EEF2KMT: variants seen among roughly 807,000 people sequenced by gnomAD.
EEF2KMT encodes protein-lysine N-methyltransferase EEF2KMT.
Under a neutral mutation model 35.1 loss-of-function variants are expected in EEF2KMT, and 30 were observed. That is an observed-to-expected ratio of 0.85 (90% CI 0.64 to 1.16). The LOEUF (loss-of-function observed/expected upper bound fraction) is 1.16. EEF2KMT is among the 50% of genes most tolerant of loss of function. EEF2KMT has a pLI of 0.00. For synonymous variants in EEF2KMT, 190 were observed against 187.7 expected, an observed-to-expected ratio of 1.01 and a Z score of -0.10; for missense variants, 499 against 438.2, an observed-to-expected ratio of 1.14 and a Z score of -1.24.
At chr16:5,095,374 C>G in intron 2 of EEF2KMT, 78 bp downstream of exon 2, 1 of 1,605,158 alleles carries the variant, frequency 6.2e-7, no homozygotes, top group Non-Finnish European at 8.5e-7. Context: ...TACAAGCACA[C>G]CTGCAGTTCT....
Position 5,089,266 on chromosome 16 carries a change from A to C in EEF2KMT, c.743-10T>G. On this transcript the variant is annotated splice_polypyrimidine_tract_variant and intron_variant, in intron 6 of 7. Transcript: ENST00000427587. ...GGGCAATACAGCACATCTATGGTGA[A>C]AGCTTCAGGTTACTGAAAGGGACCA... The C allele has an allele frequency of 6.2e-7, 1 of 1,602,256 alleles. No individual in the cohort carries two copies. Among genetic ancestry groups the C allele is most frequent in the Non-Finnish European group, 8.5e-7 (1 of 1,179,776 alleles).
chr16:5,097,407 C>G, intron 1 of EEF2KMT: 1 of 1,464,954 alleles, frequency 6.8e-7, no homozygotes, highest in Non-Finnish European at 9.0e-7. Flanking sequence ...GAGCGCGCGT[C>G]TGCCCCCCAA....
rs1354942213 is a variant in EEF2KMT, at chr16:5,091,831, G to A, written c.305C>T (p.Ala102Val). ...CCGGTGGCCCTGGGTGGACTCCTTG[G>A]CCATCAGGGTCTCCGCCAGCGCTTC... Reference protein sequence around the residue: ...LYEALAETLMAKESTQGHRSY... With the variant: ...LYEALAETLMVKESTQGHRSY... Residue 102 changes from alanine (A) to valine (V), a missense_variant, in exon 4 of 8, where the codon GCC becomes GTC. Physicochemically the swap from Ala to Val is moderately conservative, Grantham distance 64. Transcript: ENST00000427587. 1 of 1,611,858 alleles carries A rather than the reference G, an allele frequency of 6.2e-7. No homozygotes were observed. Among genetic ancestry groups the A allele is most frequent in the Admixed American group, 1.7e-5 (1 of 60,008 alleles).
intron 3 of EEF2KMT, among the ~76,000 whole-genome samples, chr16:5,093,135 A>C (rs541866009): frequency 2.0e-5 from 3 of 152,336 alleles, no homozygotes; most frequent in South Asian, 4.1e-4. Context: ...CAAGAGCAGG[A>C]AACTCCAAAC....
At chr16:5,088,625 A>T (rs965413961) in intron 7 of EEF2KMT, among the ~76,000 whole-genome samples, 1 of 152,112 alleles carries the variant, frequency 6.6e-6, no homozygotes, top group African/African-American at 2.4e-5. Context: ...GACAAATGTC[A>T]GGTCTGAGGA....
chr16:5,089,249 C>T lies in EEF2KMT; in HGVS notation c.750G>A (p.Leu250=), dbSNP rs775729753. 5.0e-6 allele frequency: 8 copies of T among 1,604,406 alleles called. No homozygotes were observed. The highest frequency in any genetic ancestry group is 1.1e-5 in the South Asian group (1 of 90,996). The change falls in exon 7 of 8, where the codon CTG becomes CTA. Residue 250 remains leucine (L), a synonymous_variant. Transcript: ENST00000427587. ...QPDVVIAADV[L]YCPEAIMSLV... ...GCGACATGATGGCTTCTGGGCAATA[C>T]AGCACATCTATGGTGAAAGCTTCAG...
rs1025573632 is a variant in EEF2KMT at position 5,095,281 on chromosome 16, G to C, written c.159+171C>G. The C allele has an allele frequency of 6.7e-6, 6 of 891,038 alleles. No homozygotes were observed. The African/African-American group carries it at 8.4e-5, about 13-fold the overall frequency. The allele number at this position is 891,038 out of a possible 1,614,324, so 55.2% of individuals were successfully genotyped here. A position where few individuals can be genotyped will look rare whatever the true frequency, so the allele number is the denominator to read the frequency against. Reference sequence around the variant, plus strand: ...TAAGTCTTAAATAGAAAACGAAAGCGCTGGAGCTGTCAGAGGTGCTGACAC... The same window carrying C: ...TAAGTCTTAAATAGAAAACGAAAGCCCTGGAGCTGTCAGAGGTGCTGACAC... On this transcript the variant is annotated intron_variant, in intron 2 of 7. Transcript: ENST00000427587.
rs1319019180 is a variant in EEF2KMT, at chr16:5,089,179, G to A, written c.820C>T (p.Arg274Trp). The stretch of plus-strand genomic sequence containing the variant: ...AAGGCCACGTAGACCTCAGGAGCCC[G>A]CTGGTGCTCCCGGCAGGCAGCCAGC... Reference protein sequence around the residue: ...RRLAACREHQRAPEVYVAFTV... With the variant: ...RRLAACREHQWAPEVYVAFTV... Residue 274 changes from arginine (R) to tryptophan (W), a missense_variant, in exon 7 of 8, where the codon CGG becomes TGG. By Grantham distance (101) the Arg-to-Trp change is moderately radical. Transcript: ENST00000427587. The A allele has an allele frequency of 5.0e-6, 8 of 1,611,860 alleles. No homozygotes were observed. Among genetic ancestry groups the A allele is most frequent in the Non-Finnish European group, 5.9e-6 (7 of 1,179,864 alleles).
Position 5,090,671 on chromosome 16 carries a change from C to G in EEF2KMT, c.343-106G>C. The stretch of plus-strand genomic sequence containing the variant: ...CTGAATAAACCATGACAGGACCAAT[C>G]GCCACTCAGCAATGAGAAGCAGCTA... On this transcript the variant is annotated intron_variant, in intron 4 of 7. Transcript: ENST00000427587. The surrounding 1 kb of genome is among the most constrained non-coding windows in gnomAD (Gnocchi z 4.1). 1.4e-6 allele frequency: 2 copies of G among 1,444,576 alleles called. No individual in the cohort carries two copies. Among genetic ancestry groups the G allele is most frequent in the Admixed American group, 3.9e-5 (2 of 51,692 alleles). 89.5% of individuals were successfully genotyped at this position (1,444,576 alleles called of 1,614,324 possible).
In EEF2KMT at chr16:5,089,253, A is replaced by G. The variant is rs1266589606; in HGVS notation, c.746T>C (p.Val249Ala). The stretch of plus-strand genomic sequence containing the variant: ...CATGATGGCTTCTGGGCAATACAGC[A>G]CATCTATGGTGAAAGCTTCAGGTTA... ...FQPDVVIAAD[V>A]LYCPEAIMSL... The change falls in exon 7 of 8, where the codon GTG becomes GCG. Residue 249 changes from valine (V) to alanine (A), a missense_variant. Coordinates refer to ENST00000427587, the MANE Select transcript of EEF2KMT (RefSeq NM_201400.4). 4.4e-6 allele frequency: 7 copies of G among 1,603,846 alleles called. No homozygotes were observed. In the South Asian group the frequency reaches 7.7e-5, roughly 18 times the overall value.
chr16:5,092,410 G>T (rs1490362670), intron 3 of EEF2KMT, among the ~76,000 whole-genome samples: 1 of 152,212 alleles, frequency 6.6e-6, no homozygotes, highest in Non-Finnish European at 1.5e-5. Flanking sequence ...TCCACAGCTG[G>T]CCCCGTCCTA....
chr16:5,091,449 C>G (rs866879546), intron 4 of EEF2KMT, among the ~76,000 whole-genome samples: 8 of 152,022 alleles, frequency 5.3e-5, no homozygotes, highest in Middle Eastern at 6.9e-3. Context: ...AACTCCTGAC[C>G]TCAGATGCAA....
intron 7 of EEF2KMT, 25 bp from the exon 8 acceptor site, chr16:5,085,757 A>C: frequency 6.4e-7 from 1 of 1,564,674 alleles, no homozygotes; most frequent in Non-Finnish European, 8.8e-7. Flanking sequence ...CATGTGTTTG[A>C]GGATGGCGGT....
rs374102711 is a variant in EEF2KMT, at chr16:5,084,708, G to C, written c.*924C>G. The C allele has an allele frequency of 6.3e-7, 1 of 1,596,308 alleles. No individual in the cohort carries two copies. Among genetic ancestry groups the C allele is most frequent in the East Asian group, 2.2e-5 (1 of 44,880 alleles). On this transcript the variant is annotated 3_prime_UTR_variant, in exon 8 of 8. Transcript: ENST00000427587. Reference sequence around the variant, plus strand: ...CAGGTGGTGACCTGGGATGGGGTGGGGACAGGCAATGAGGTAAGCTCTGCT... The same window carrying C: ...CAGGTGGTGACCTGGGATGGGGTGGCGACAGGCAATGAGGTAAGCTCTGCT...
Position 5,090,425 on chromosome 16 carries a change from A to T in EEF2KMT, c.476+7T>A. The stretch of plus-strand genomic sequence containing the variant: ...CCTCGGTGCCCTGCCCTGCGCCCCG[A>T]GGTCACCTGTTAGTGAAGACTGCCG... On this transcript the variant is annotated splice_region_variant and intron_variant, in intron 5 of 7. Coordinates refer to ENST00000427587, the MANE Select transcript of EEF2KMT (RefSeq NM_201400.4). The surrounding 1 kb of genome is among the most constrained non-coding windows in gnomAD (Gnocchi z 4.1). 6.2e-7 allele frequency: 1 copy of T among 1,611,780 alleles called. No homozygotes were observed. Among genetic ancestry groups the T allele is most frequent in the African/African-American group, 1.3e-5 (1 of 74,876 alleles).
rs774293927 is a variant in EEF2KMT at position 5,090,556 on chromosome 16, C to T, written c.352G>A (p.Gly118Ser). Residue 118 changes from glycine to serine, a missense_variant, in exon 5 of 8, where the codon GGC becomes AGC. Gly to Ser is a moderately conservative substitution (Grantham distance 56, BLOSUM62 0). Transcript: ENST00000427587. This position sits in a 1 kb window ranked among gnomAD's most constrained non-coding sequence, Gnocchi z 4.1. ...GHRSYLLPSG[G>S]SVTLSESTAI... Reference sequence around the variant, plus strand: ...GTGCTCTCGGAGAGTGTGACCGAGCCTCCCGAGGGCTGCACCAAGAGAAGG... The same window carrying T: ...GTGCTCTCGGAGAGTGTGACCGAGCTTCCCGAGGGCTGCACCAAGAGAAGG... The T allele has an allele frequency of 2.9e-5, 46 of 1,611,858 alleles. No homozygotes were observed. The highest frequency in any genetic ancestry group is 3.8e-5 in the Non-Finnish European group (45 of 1,179,862).
intron 4 of EEF2KMT, among the ~76,000 whole-genome samples, chr16:5,091,352 G>C (rs1252093987): frequency 6.6e-6 from 1 of 152,142 alleles, no homozygotes; most frequent in Non-Finnish European, 1.5e-5. Flanking sequence ...AAAATGCTGG[G>C]ATTACAGGCA....
intron 4 of EEF2KMT, 40 bp downstream of exon 4, chr16:5,091,754 T>C (rs1957344326): frequency 1.2e-6 from 2 of 1,609,906 alleles, no homozygotes; most frequent in Non-Finnish European, 1.7e-6. Flanking sequence ...GCAGGAAGGG[T>C]ATCTGGGCTG....
At chr16:5,091,270 T>C (rs1244917791) in intron 4 of EEF2KMT, among the ~76,000 whole-genome samples, 1 of 152,178 alleles carries the variant, frequency 6.6e-6, no homozygotes, top group Non-Finnish European at 1.5e-5. Flanking sequence ...TTAGTAAAGA[T>C]GGAGTTTCAC....
Sources: allele counts gnomAD v4.1 joint callset (sites outside exome capture counted in the v4.1 genomes callset), GRCh38; gene constraint gnomAD v4.1.1; non-coding constraint Gnocchi (gnomAD v3.1); transcripts MANE v1.5; gene names NCBI Gene and HGNC (gene_info 2026-07-23, HGNC 2026-07-21).